Variants in MERTK observed in about 807,000 individuals in gnomAD.
MERTK encodes the protein MER proto-oncogene, tyrosine kinase.
A neutral mutation model predicts 99.3 loss-of-function variants in MERTK; 69 were observed. That is an observed-to-expected ratio of 0.70 (90% CI 0.57 to 0.85). MERTK has a LOEUF of 0.85. Ranked by LOEUF, MERTK falls within the 40% of genes least tolerant of loss-of-function variation. The probability of loss-of-function intolerance (pLI) is 0.00; values close to 1 mark genes in which losing one functional copy is unlikely to be tolerated. For synonymous variants in MERTK, 426 were observed against 467.6 expected, an observed-to-expected ratio of 0.91 and a Z score of 1.15; for missense variants, 1,125 against 1,249.4, an observed-to-expected ratio of 0.90 and a Z score of 1.50.
At chr2:111,963,240 C>T (rs531915216) in intron 4 of MERTK, among the ~76,000 whole-genome samples, 10 of 152,352 alleles carry the variant, frequency 6.6e-5, no homozygotes, top group Admixed American at 6.5e-4. Context: ...GGCGGTTTTC[C>T]CCTATCTCAG....
At chr2:111,953,703 G>A (rs1685096940) in intron 4 of MERTK, among the ~76,000 whole-genome samples, 1 of 152,122 alleles carries the variant, frequency 6.6e-6, no homozygotes, top group Non-Finnish European at 1.5e-5. Flanking sequence ...AGCCTCCCAA[G>A]CAGCTGGGAT....
At chr2:112,002,986 A>G (rs1421118935) in intron 11 of MERTK, 106 bp from the exon 12 acceptor site, 5 of 661,346 alleles carry the variant, frequency 7.6e-6, no homozygotes, top group Non-Finnish European at 1.4e-5. Context: ...AAATAAATAA[A>G]TAAATAAGGA....
intron 4 of MERTK, 146 bp downstream of exon 4, chr2:111,947,713 G>A (rs3761699): frequency 0.25 from 238,904 of 942,686 alleles, 32,352 homozygotes; most frequent in Middle Eastern, 0.3. Flanking sequence ...CCAGGTAGAC[G>A]GGAAGGCAGG....
In MERTK at chr2:111,965,246, C is replaced by T. The variant is rs773520124; in HGVS notation, c.813C>T (p.Thr271=). ...AGGCCCACAATGACAAAGGGCTGAC[C>T]GTGTCCAAGGGAGTGCAGATCAACA... is the stretch of plus-strand genomic sequence containing the variant. ...SCEAHNDKGL[T]VSKGVQINIK... is the part of the protein sequence containing the mutation. Residue 271 remains threonine (T), a synonymous_variant, in exon 5 of 19, where the codon ACC becomes ACT. Transcript: ENST00000295408. 8.7e-6 allele frequency: 14 copies of T among 1,614,060 alleles called. No homozygotes were observed. The Admixed American group carries it at 1.3e-4, about 15-fold the overall frequency.
At chr2:111,976,798 G>T (rs1455259780) in intron 7 of MERTK, among the ~76,000 whole-genome samples, 2 of 150,070 alleles carry the variant, frequency 1.3e-5, no homozygotes, top group African/African-American at 4.9e-5. Flanking sequence ...ATATTTTTAT[G>T]ATTCTTATTT....
intron 1 of MERTK, among the ~76,000 whole-genome samples, chr2:111,899,866 A>C (rs1483524174): frequency 6.6e-6 from 1 of 151,978 alleles, no homozygotes; most frequent in Non-Finnish European, 1.5e-5. Flanking sequence ...GGAGGCAAGG[A>C]AGGCCGGTTT....
chr2:111,903,384 T>C (rs565429076), intron 1 of MERTK, among the ~76,000 whole-genome samples: 1 of 152,258 alleles, frequency 6.6e-6, no homozygotes, highest in African/African-American at 2.4e-5. Context: ...ATTTCATTGC[T>C]GGAGGAGCTA....
At chr2:111,914,488 A>C (rs1231179004) in intron 1 of MERTK, among the ~76,000 whole-genome samples, 4 of 152,186 alleles carry the variant, frequency 2.6e-5, no homozygotes, top group Non-Finnish European at 2.9e-5. Context: ...CATGTTGGCC[A>C]TGCTGGTCTT....
chr2:111,976,285 G>T (rs1558793752), intron 7 of MERTK, among the ~76,000 whole-genome samples: 1 of 152,198 alleles, frequency 6.6e-6, no homozygotes, highest in Non-Finnish European at 1.5e-5. Flanking sequence ...CATGATGTCA[G>T]CATTCCTTCC....
intron 4 of MERTK, 95 bp downstream of exon 4, chr2:111,947,662 G>T: frequency 7.0e-7 from 1 of 1,428,398 alleles, no homozygotes; most frequent in Non-Finnish European, 9.8e-7. Context: ...GCAGGCAGTG[G>T]AGACAGATGA....
At chr2:111,975,575 C>T in intron 7 of MERTK, 103 bp downstream of exon 7, 1 of 1,291,458 alleles carries the variant, frequency 7.7e-7, no homozygotes, top group East Asian at 2.3e-5. Flanking sequence ...TTTGTTTGGA[C>T]TTTGTCTCTG....
At chr2:111,926,571 A>G (rs1362869533) in intron 1 of MERTK, among the ~76,000 whole-genome samples, 1 of 152,206 alleles carries the variant, frequency 6.6e-6, no homozygotes. Flanking sequence ...TACTAAAAAT[A>G]CACAGATTAG....
chr2:111,970,868 T>C (rs1368488150), intron 6 of MERTK, among the ~76,000 whole-genome samples: 2 of 142,698 alleles, frequency 1.4e-5, no homozygotes, highest in South Asian at 2.3e-4. Context: ...TTCTCCTCCT[T>C]CTTCTCCTTC....
intron 1 of MERTK, among the ~76,000 whole-genome samples, chr2:111,927,317 CAG>C (rs1684585968): frequency 6.6e-6 from 1 of 152,210 alleles, no homozygotes; most frequent in African/African-American, 2.4e-5. Flanking sequence ...GTATGCCCTT[CAG>C]TTGAGGCATA....
chr2:111,941,836 G>A (rs987360888), intron 2 of MERTK, among the ~76,000 whole-genome samples: 16 of 152,182 alleles, frequency 1.1e-4, no homozygotes, highest in African/African-American at 3.9e-4. Flanking sequence ...ACAAACTTCC[G>A]ATTGAGTTCT....
In MERTK at chr2:111,979,141, C is replaced by T. The variant is rs1027159677; in HGVS notation, c.1144+3669C>T. ...CTGGTGCCTTCTCCTGGGTATTTGC[C>T]TTTCTTAGTTTATGCCCTCGTTTTT... On this transcript the variant is annotated intron_variant, in intron 7 of 18. Transcript: ENST00000295408. Among the ~76,000 whole-genome samples the T allele has an allele frequency of 2.0e-5, 3 of 152,212 alleles. No individual in the cohort carries two copies. The East Asian group carries it at 5.8e-4, about 29-fold the overall frequency.
At chr2:111,970,786 CCCTCCT>C (rs1212413157) in intron 6 of MERTK, among the ~76,000 whole-genome samples, 221 of 19,846 alleles carry the variant, frequency 0.011, no homozygotes, top group Non-Finnish European at 0.019. Flanking sequence ...TCCTCCTCCT[CCCTCCT>C]CCTCCTCCCC....
intron 16 of MERTK, 162 bp from the exon 17 acceptor site, chr2:112,021,238 TCTTGCTCTGCTGTTGGTCCTCA>T (rs1677340639): frequency 1.7e-5 from 5 of 287,806 alleles, no homozygotes; most frequent in South Asian, 1.3e-4. Context: ...TTGCTCTTGC[TCTTGCTCTGCTGTTGGTCCTCA>T]CTTGCTCTGC....
intron 2 of MERTK, among the ~76,000 whole-genome samples, chr2:111,932,257 C>G (rs1684687294): frequency 6.6e-6 from 1 of 152,194 alleles, no homozygotes; most frequent in Non-Finnish European, 1.5e-5. Context: ...CCTCGGCTCA[C>G]TGCAAACTCT....
Sources: allele counts gnomAD v4.1 joint callset (sites outside exome capture counted in the v4.1 genomes callset), GRCh38; gene constraint gnomAD v4.1.1; transcripts MANE v1.5; gene names NCBI Gene and HGNC (gene_info 2026-07-23, HGNC 2026-07-21).